The following FAF1 variants were observed in gnomAD, a reference collection of about 807,000 sequenced individuals.
FAF1 encodes the protein Fas associated factor 1.
Under a neutral mutation model 92.5 loss-of-function variants are expected in FAF1, and 25 were observed. The observed-to-expected ratio is 0.27, with a 90% CI of 0.20 to 0.38. FAF1 has a LOEUF of 0.38. Among genes scored for constraint, FAF1 ranks in the 10% least tolerant of loss-of-function variants. The pLI is 1.00. For missense variants in FAF1, 636 were observed against 793.3 expected (o/e 0.80, Z 2.38); for synonymous variants, 234 against 273.2 (o/e 0.86, Z 1.42).
chr1:50,889,851 G>T (rs1186415550), intron 1 of FAF1, among the ~76,000 whole-genome samples: 2 of 152,156 alleles, frequency 1.3e-5, no homozygotes. Flanking sequence ...GTTGATTTGG[G>T]GTGGAGAGTT....
At chr1:50,606,673 T>A (rs1055492197) in intron 8 of FAF1, among the ~76,000 whole-genome samples, 8 of 151,950 alleles carry the variant, frequency 5.3e-5, no homozygotes, top group African/African-American at 1.9e-4. Context: ...CTAATTTTTT[T>A]GTATTTTAGT....
At chr1:50,656,054 G>A (rs531515049) in intron 7 of FAF1, among the ~76,000 whole-genome samples, 42 of 152,132 alleles carry the variant, frequency 2.8e-4, no homozygotes, top group African/African-American at 8.4e-4. Flanking sequence ...GCACAGGGCC[G>A]GGGACGGTGG....
chr1:50,889,195 G>C (rs1413468888), intron 1 of FAF1, among the ~76,000 whole-genome samples: 2 of 152,128 alleles, frequency 1.3e-5, no homozygotes, highest in African/African-American at 4.8e-5. Context: ...GTATTTCTGT[G>C]GGATCGGTGG....
chr1:50,581,637 G>C (rs138864991), intron 12 of FAF1, among the ~76,000 whole-genome samples: 1,983 of 152,236 alleles, frequency 0.013, 43 homozygotes, highest in African/African-American at 0.044. Flanking sequence ...ATAAGCAGAG[G>C]GTTTTTCACT....
At chr1:50,713,585 T>C (rs1186004068) in intron 6 of FAF1, among the ~76,000 whole-genome samples, 1 of 151,590 alleles carries the variant, frequency 6.6e-6, no homozygotes, top group Admixed American at 6.6e-5. Flanking sequence ...AAAAACTACG[T>C]TTTCTTTTCA....
At chr1:50,585,878 C>T (rs1429286479) in intron 9 of FAF1, among the ~76,000 whole-genome samples, 1 of 96,296 alleles carries the variant, frequency 1.0e-5, no homozygotes, top group Non-Finnish European at 2.0e-5. Context: ...CTCATCTCTA[C>T]ATAAAAAAAA....
chr1:50,714,204 A>G (rs532436554), intron 6 of FAF1, among the ~76,000 whole-genome samples: 3 of 151,864 alleles, frequency 2.0e-5, no homozygotes, highest in African/African-American at 7.2e-5. Context: ...TTCAATAGAA[A>G]TATTTGCATT....
intron 7 of FAF1, among the ~76,000 whole-genome samples, chr1:50,701,800 G>T (rs1569796394): frequency 6.6e-6 from 1 of 152,076 alleles, no homozygotes; most frequent in East Asian, 1.9e-4. Flanking sequence ...TAATAGTACT[G>T]AAATGTTTTA....
At chr1:50,631,387 T>C (rs563430612) in intron 8 of FAF1, among the ~76,000 whole-genome samples, 1 of 152,320 alleles carries the variant, frequency 6.6e-6, no homozygotes, top group East Asian at 1.9e-4. Flanking sequence ...AGTGTATCCA[T>C]GCTGTATACT....
At chr1:50,574,024 G>A (rs748184514) in intron 12 of FAF1, among the ~76,000 whole-genome samples, 20 of 152,170 alleles carry the variant, frequency 1.3e-4, no homozygotes, top group Non-Finnish European at 1.9e-4. Context: ...AGCTACTTGG[G>A]AGGCTGAGGT....
At chr1:50,819,692 CATAT>C (rs1392872540) in intron 2 of FAF1, among the ~76,000 whole-genome samples, 2 of 45,616 alleles carry the variant, frequency 4.4e-5, no homozygotes, top group African/African-American at 1.4e-4. Context: ...TATATATATA[CATAT>C]ATATATACAT....
intron 1 of FAF1, among the ~76,000 whole-genome samples, chr1:50,944,190 T>C (rs1176981067): frequency 6.6e-6 from 1 of 152,172 alleles, no homozygotes; most frequent in Non-Finnish European, 1.5e-5. Flanking sequence ...CTGTTTCCAG[T>C]AGACCTCCCA....
At chr1:50,453,900 C>A (rs191474420) in intron 18 of FAF1, among the ~76,000 whole-genome samples, 1 of 152,320 alleles carries the variant, frequency 6.6e-6, no homozygotes, top group East Asian at 1.9e-4. Context: ...GAACAAGCAT[C>A]ATTTGGGGAA....
chr1:50,692,737 A>G (rs995805390), intron 7 of FAF1, among the ~76,000 whole-genome samples: 2 of 152,184 alleles, frequency 1.3e-5, no homozygotes, highest in East Asian at 1.9e-4. Flanking sequence ...CAATGCTTCA[A>G]TGAATACTGG....
chr1:50,647,603 A>G (rs1654653578), intron 8 of FAF1, among the ~76,000 whole-genome samples: 1 of 152,228 alleles, frequency 6.6e-6, no homozygotes, highest in South Asian at 2.1e-4. Context: ...TAAAACAATA[A>G]ATAAAACACA....
intron 4 of FAF1, among the ~76,000 whole-genome samples, chr1:50,786,675 A>T (rs559606294): frequency 6.6e-6 from 1 of 152,338 alleles, no homozygotes; most frequent in East Asian, 1.9e-4. Context: ...CTAGAAGAAT[A>T]ATCTACATAG....
At chr1:50,565,649 T>C (rs1650145630) in intron 13 of FAF1, among the ~76,000 whole-genome samples, 1 of 151,724 alleles carries the variant, frequency 6.6e-6, no homozygotes, top group African/African-American at 2.4e-5. Flanking sequence ...ATTGCCATCA[T>C]AAAAAAAAGA....
At chr1:50,609,811 A>C (rs1055440645) in intron 8 of FAF1, among the ~76,000 whole-genome samples, 1 of 152,074 alleles carries the variant, frequency 6.6e-6, no homozygotes, top group Non-Finnish European at 1.5e-5. Flanking sequence ...AAAAAAGTTA[A>C]GTCATTAGAT....
chr1:50,945,689 T>C (rs1478064661), intron 1 of FAF1, among the ~76,000 whole-genome samples: 1 of 152,212 alleles, frequency 6.6e-6, no homozygotes, highest in African/African-American at 2.4e-5. Flanking sequence ...TTTGTTTTCA[T>C]AGTTCACAGC....
Sources: gnomAD v4.1 joint callset for allele counts (sites outside exome capture counted in the v4.1 genomes callset) on GRCh38, gnomAD v4.1.1 for gene constraint, MANE v1.5 for transcripts, NCBI Gene and HGNC (gene_info 2026-07-23, HGNC 2026-07-21) for gene names.